Variants in GABRA3 observed in about 807,000 individuals in gnomAD.
GABRA3 encodes the protein gamma-aminobutyric acid type A receptor subunit alpha3.
A neutral mutation model predicts 30.1 loss-of-function variants in GABRA3; 10 were observed. That is an observed-to-expected ratio of 0.33 (90% confidence interval 0.20 to 0.56). The LOEUF is 0.56. GABRA3 is among the 20% of genes least tolerant of loss of function. The probability of loss-of-function intolerance (pLI) is 0.89; values close to 1 mark genes in which losing one functional copy is unlikely to be tolerated. For synonymous variants in GABRA3, 151 were observed against 146.8 expected (o/e 1.03, Z -0.21); for missense variants, 233 against 392.0 (o/e 0.59, Z 3.42).
chrX:152,209,941 CACAACA>C (rs770050183), intron 6 of GABRA3, among the ~76,000 whole-genome samples: 10 of 112,376 alleles, frequency 8.9e-5, no homozygotes, highest in African/African-American at 3.2e-4. Flanking sequence ...ATTTCTTCAA[CACAACA>C]ACAACAAGAT....
intron 3 of GABRA3, among the ~76,000 whole-genome samples, chrX:152,325,985 T>A (rs1198913799): frequency 2.7e-5 from 3 of 110,702 alleles, no homozygotes; most frequent in Non-Finnish European, 5.7e-5. Context: ...CTAACTAGAA[T>A]AAACAGTGTA....
chrX:152,407,434 GATT>G (rs1252811078), intron 1 of GABRA3, among the ~76,000 whole-genome samples: 1 of 111,624 alleles, frequency 9.0e-6, no homozygotes, highest in Admixed American at 9.5e-5. Flanking sequence ...GATTATTAGA[GATT>G]ATTATGTGCA....
At chrX:152,187,953 C>G (rs943459786) in intron 9 of GABRA3, among the ~76,000 whole-genome samples, 1 of 111,730 alleles carries the variant, frequency 9.0e-6, no homozygotes, top group Non-Finnish European at 1.9e-5. Flanking sequence ...TGTACAATAG[C>G]TCAACTATTA....
chrX:152,331,364 AAG>A (rs1054509101), intron 3 of GABRA3, among the ~76,000 whole-genome samples: 17 of 110,850 alleles, frequency 1.5e-4, no homozygotes, highest in African/African-American at 5.6e-4. Flanking sequence ...ATCGTCCTCA[AAG>A]AGAGGCTGGT....
intron 6 of GABRA3, among the ~76,000 whole-genome samples, chrX:152,223,676 GCTCT>G (rs1937884654): frequency 9.2e-6 from 1 of 108,617 alleles, no homozygotes; most frequent in Middle Eastern, 4.7e-3. Flanking sequence ...GCATTGATAA[GCTCT>G]CTATTTTCTT....
intron 1 of GABRA3, among the ~76,000 whole-genome samples, chrX:152,386,847 C>T (rs1461367203): frequency 9.1e-6 from 1 of 109,412 alleles, no homozygotes; most frequent in Non-Finnish European, 1.9e-5. Flanking sequence ...CACATGCACA[C>T]GTATGTTTAT....
At chrX:152,338,432 A>G (rs773848570) in intron 3 of GABRA3, among the ~76,000 whole-genome samples, 101 of 111,571 alleles carry the variant, frequency 9.1e-4, no homozygotes, top group African/African-American at 3.0e-3. Flanking sequence ...CTAGTTGTTA[A>G]TCTCTTGTCA....
chrX:152,294,136 G>GAC (rs1939478486), intron 3 of GABRA3, among the ~76,000 whole-genome samples: 2 of 110,946 alleles, frequency 1.8e-5, no homozygotes, highest in Admixed American at 9.7e-5. Context: ...GTATCTTTGT[G>GAC]GTCTTCTCTG....
intron 5 of GABRA3, among the ~76,000 whole-genome samples, chrX:152,243,161 T>TCA (rs1365581492): frequency 8.9e-6 from 1 of 111,942 alleles, no homozygotes; most frequent in East Asian, 2.8e-4. Flanking sequence ...AAAGTTGGAC[T>TCA]CATAGAAAGA....
intron 1 of GABRA3, among the ~76,000 whole-genome samples, chrX:152,412,272 G>A (rs1930093079): frequency 8.9e-6 from 1 of 111,843 alleles, no homozygotes; most frequent in African/African-American, 3.2e-5. Context: ...TGAGTCCTCA[G>A]TAAGTTAAAC....
chrX:152,307,619 G>GCA (rs1255408981), intron 3 of GABRA3, among the ~76,000 whole-genome samples: 2 of 111,537 alleles, frequency 1.8e-5, no homozygotes, highest in East Asian at 5.7e-4. Context: ...AAGAAGACTG[G>GCA]CACACTCTGA....
intron 7 of GABRA3, among the ~76,000 whole-genome samples, chrX:152,202,532 A>G (rs1215899224): frequency 1.8e-5 from 2 of 111,720 alleles, no homozygotes; most frequent in Non-Finnish European, 3.8e-5. Context: ...CAGTTTGAAA[A>G]CACGTATCTT....
chrX:152,440,109 T>C (rs1930883962), intron 1 of GABRA3, among the ~76,000 whole-genome samples: 1 of 111,723 alleles, frequency 9.0e-6, no homozygotes, highest in Non-Finnish European at 1.9e-5. Flanking sequence ...GGAGAAAATT[T>C]TTGCAATCTA....
At chrX:152,183,539 G>A (rs1257343919) in intron 9 of GABRA3, among the ~76,000 whole-genome samples, 1 of 108,805 alleles carries the variant, frequency 9.2e-6, no homozygotes, top group Non-Finnish European at 1.9e-5. Context: ...TGATTTTTAA[G>A]TTCCCTATTT....
intron 4 of GABRA3, among the ~76,000 whole-genome samples, chrX:152,262,349 T>A (rs181132202): frequency 8.9e-6 from 1 of 112,605 alleles, no homozygotes; most frequent in African/African-American, 3.2e-5. Context: ...TCCCAGAAAA[T>A]GGCTTTTTCT....
chrX:152,199,288 C>A (rs1937442106), intron 7 of GABRA3, among the ~76,000 whole-genome samples: 2 of 105,082 alleles, frequency 1.9e-5, no homozygotes, highest in South Asian at 8.4e-4. Context: ...ATGGCGTGAA[C>A]CCAGGAGGCG....
At chrX:152,346,234 GA>G in intron 2 of GABRA3, among the ~76,000 whole-genome samples, 1 of 111,123 alleles carries the variant, frequency 9.0e-6, no homozygotes, top group African/African-American at 3.3e-5. Context: ...ACATACACTG[GA>G]AAAAAAGACA....
chrX:152,227,299 G>A (rs1231930313), intron 5 of GABRA3, among the ~76,000 whole-genome samples: 3 of 97,198 alleles, frequency 3.1e-5, no homozygotes, highest in Non-Finnish European at 4.1e-5. Flanking sequence ...ACCAAACACC[G>A]CATGTTCTCA....
chrX:152,201,116 G>C (rs1603207563), intron 7 of GABRA3, among the ~76,000 whole-genome samples: 1 of 112,446 alleles, frequency 8.9e-6, no homozygotes. Flanking sequence ...CTTACAAGTG[G>C]ACTTTTAGAA....
Sources: gnomAD v4.1 joint callset for allele counts (sites outside exome capture counted in the v4.1 genomes callset) on GRCh38, gnomAD v4.1.1 for gene constraint, MANE v1.5 for transcripts, NCBI Gene and HGNC (gene_info 2026-07-23, HGNC 2026-07-21) for gene names.